The following PLXDC2 variants were observed in gnomAD, a reference collection of about 807,000 sequenced individuals.
PLXDC2 encodes the protein plexin domain-containing protein 2.
PLXDC2 carries 40 observed loss-of-function variants against 68.9 expected under a neutral mutation model. The ratio of observed to expected loss-of-function variants is 0.58; its 90% CI spans 0.45 to 0.76. The LOEUF (loss-of-function observed/expected upper bound fraction) is 0.76, where lower values mean the gene tolerates loss of function less well. Among genes scored for constraint, PLXDC2 ranks in the 30% least tolerant of loss-of-function variants. PLXDC2 has a pLI of 0.00. For missense variants in PLXDC2, 644 were observed against 661.9 expected (o/e 0.97, Z 0.30); for synonymous variants, 243 against 234.2 (o/e 1.04, Z -0.34).
At chr10:20,116,072 C>T (rs553062616) in intron 4 of PLXDC2, among the ~76,000 whole-genome samples, 34 of 152,296 alleles carry the variant, frequency 2.2e-4, no homozygotes, top group African/African-American at 6.7e-4. Context: ...TGTGGATTCA[C>T]GCTGCTCCTC....
intron 1 of PLXDC2, among the ~76,000 whole-genome samples, chr10:19,846,840 G>A (rs975156202): frequency 6.6e-6 from 1 of 152,142 alleles, no homozygotes; most frequent in Admixed American, 6.5e-5. Context: ...CAGAGACTGG[G>A]TAATTTATAA....
intron 13 of PLXDC2, among the ~76,000 whole-genome samples, chr10:20,246,829 C>T (rs1440720431): frequency 3.3e-5 from 5 of 151,842 alleles, no homozygotes; most frequent in South Asian, 2.1e-4. Flanking sequence ...ACTTGTTGAG[C>T]GAGAAATTAT....
At chr10:20,196,224 G>A (rs946367373) in intron 9 of PLXDC2, among the ~76,000 whole-genome samples, 1 of 152,060 alleles carries the variant, frequency 6.6e-6, no homozygotes, top group African/African-American at 2.4e-5. Context: ...GGACCTTTTA[G>A]ATTTTGATAG....
chr10:20,212,569 T>A (rs1028353187), intron 10 of PLXDC2, among the ~76,000 whole-genome samples: 1 of 152,158 alleles, frequency 6.6e-6, no homozygotes, highest in Non-Finnish European at 1.5e-5. Flanking sequence ...GAATTAAAAC[T>A]GCTAACAATT....
chr10:19,965,688 C>G, intron 1 of PLXDC2, among the ~76,000 whole-genome samples: 1 of 144,026 alleles, frequency 6.9e-6, no homozygotes, highest in Non-Finnish European at 1.5e-5. Context: ...TGCAGGAGCA[C>G]AGCAGATTTC....
intron 1 of PLXDC2, among the ~76,000 whole-genome samples, chr10:19,822,549 T>C (rs1230607395): frequency 6.6e-6 from 1 of 152,182 alleles, no homozygotes; most frequent in African/African-American, 2.4e-5. Flanking sequence ...AGCAACTTCA[T>C]ATTGTTCTTT....
intron 1 of PLXDC2, among the ~76,000 whole-genome samples, chr10:19,961,975 C>T (rs539169949): frequency 6.6e-6 from 1 of 152,226 alleles, no homozygotes; most frequent in East Asian, 1.9e-4. Flanking sequence ...TATAACATCT[C>T]CTATGCCTTT....
chr10:19,887,863 AC>A (rs1469940875), intron 1 of PLXDC2, among the ~76,000 whole-genome samples: 7 of 152,248 alleles, frequency 4.6e-5, no homozygotes, highest in African/African-American at 1.7e-4. Flanking sequence ...TTTTATAATT[AC>A]ATAGACAACT....
intron 1 of PLXDC2, among the ~76,000 whole-genome samples, chr10:19,995,807 G>A (rs1038059267): frequency 6.6e-6 from 1 of 152,172 alleles, no homozygotes; most frequent in African/African-American, 2.4e-5. Context: ...CTCTACCTGG[G>A]GGAGTCAAGA....
chr10:19,901,776 G>A (rs117769453), intron 1 of PLXDC2, among the ~76,000 whole-genome samples: 6,324 of 151,868 alleles, frequency 0.042, 214 homozygotes, highest in South Asian at 0.13. Flanking sequence ...AGGGTTTTTC[G>A]ATGTTATCAT....
At chr10:19,877,634 C>A (rs867021933) in intron 1 of PLXDC2, among the ~76,000 whole-genome samples, 3 of 152,218 alleles carry the variant, frequency 2.0e-5, no homozygotes, top group African/African-American at 7.2e-5. Flanking sequence ...AAGGGCCATG[C>A]CCTAGTGGAT....
intron 1 of PLXDC2, among the ~76,000 whole-genome samples, chr10:19,990,989 G>A (rs1834738924): frequency 6.6e-6 from 1 of 152,202 alleles, no homozygotes; most frequent in African/African-American, 2.4e-5. Flanking sequence ...GCTCATGCCT[G>A]TAATCCCAGC....
At chr10:20,061,811 T>C (rs548284666) in intron 3 of PLXDC2, among the ~76,000 whole-genome samples, 1 of 152,222 alleles carries the variant, frequency 6.6e-6, no homozygotes, top group African/African-American at 2.4e-5. Flanking sequence ...GAAACATGTC[T>C]AATTGTGATA....
At chr10:20,255,645 T>C (rs1459644214) in intron 13 of PLXDC2, among the ~76,000 whole-genome samples, 1 of 152,152 alleles carries the variant, frequency 6.6e-6, no homozygotes, top group Non-Finnish European at 1.5e-5. Flanking sequence ...AATTAGTTTA[T>C]TATTACGGCA....
chr10:19,822,832 A>G (rs1481673223), intron 1 of PLXDC2, among the ~76,000 whole-genome samples: 1 of 152,148 alleles, frequency 6.6e-6, no homozygotes, highest in Non-Finnish European at 1.5e-5. Context: ...TCAGTTATTT[A>G]CATTAAGCCT....
intron 9 of PLXDC2, among the ~76,000 whole-genome samples, chr10:20,189,028 A>AATACAGTGAGGTATGATGTTATT (rs761286649): frequency 1.5e-5 from 2 of 131,680 alleles, no homozygotes; most frequent in Non-Finnish European, 1.9e-5. Flanking sequence ...TCAAATTTTA[A>AATACAGTGAGGTATGATGTTATT]TGAAGAATCT....
intron 4 of PLXDC2, among the ~76,000 whole-genome samples, chr10:20,112,632 T>C (rs1448900195): frequency 6.6e-6 from 1 of 152,260 alleles, no homozygotes; most frequent in East Asian, 1.9e-4. Flanking sequence ...GGTGGATTTA[T>C]AACACTTAGA....
intron 2 of PLXDC2, among the ~76,000 whole-genome samples, chr10:20,010,082 T>C (rs1346481137): frequency 6.6e-6 from 1 of 152,172 alleles, no homozygotes; most frequent in Non-Finnish European, 1.5e-5. Flanking sequence ...AAATTTTGCC[T>C]GAACTTCTGT....
intron 1 of PLXDC2, among the ~76,000 whole-genome samples, chr10:19,981,818 C>T (rs562739158): frequency 6.6e-6 from 1 of 152,340 alleles, no homozygotes; most frequent in African/African-American, 2.4e-5. Context: ...TAGTATGGCA[C>T]TGATCGTAAG....
Sources: gnomAD v4.1 joint callset for allele counts (sites outside exome capture counted in the v4.1 genomes callset) on GRCh38, gnomAD v4.1.1 for gene constraint, MANE v1.5 for transcripts, NCBI Gene and HGNC (gene_info 2026-07-23, HGNC 2026-07-21) for gene names.